The following TRPM3 variants were observed in gnomAD, a reference collection of about 807,000 sequenced individuals.
The protein encoded by TRPM3 is transient receptor potential cation channel subfamily M member 3, also known as long transient receptor potential channel 3.
A neutral mutation model predicts 181.2 loss-of-function variants in TRPM3; 77 were observed. The observed-to-expected ratio is 0.42, with a 90% CI of 0.35 to 0.51. The LOEUF is 0.51. Among genes scored for constraint, TRPM3 ranks in the 20% least tolerant of loss-of-function variants. The pLI is 0.01. For synonymous variants in TRPM3, 745 were observed against 796.4 expected, an observed-to-expected ratio of 0.94 and a Z score of 1.09; for missense variants, 1,759 against 2,196.7, an observed-to-expected ratio of 0.80 and a Z score of 3.98.
At chr9:71,151,206 C>T (rs1482416813) in intron 1 of TRPM3, among the ~76,000 whole-genome samples, 1 of 151,992 alleles carries the variant, frequency 6.6e-6, no homozygotes, top group Admixed American at 6.5e-5. Flanking sequence ...ACTAAAACGC[C>T]CTAAGATAAA....
At chr9:71,287,569 T>G (rs2085401317) in intron 1 of TRPM3, among the ~76,000 whole-genome samples, 1 of 151,672 alleles carries the variant, frequency 6.6e-6, no homozygotes, top group African/African-American at 2.4e-5. Context: ...GCCTTCAAAA[T>G]TCAACTGCTG....
intron 22 of TRPM3, among the ~76,000 whole-genome samples, chr9:70,564,817 C>T (rs1019946072): frequency 6.6e-6 from 1 of 152,204 alleles, no homozygotes; most frequent in Non-Finnish European, 1.5e-5. Context: ...ATCAATGTGG[C>T]TCCTAATATT....
chr9:71,335,260 G>A (rs1398912604), intron 1 of TRPM3, among the ~76,000 whole-genome samples: 1 of 152,104 alleles, frequency 6.6e-6, no homozygotes, highest in Non-Finnish European at 1.5e-5. Flanking sequence ...ACAGATTTCA[G>A]TAACCCTAGA....
intron 1 of TRPM3, among the ~76,000 whole-genome samples, chr9:71,212,069 T>G (rs77996101): frequency 0.13 from 20,519 of 152,198 alleles, 1,776 homozygotes; most frequent in Non-Finnish European, 0.19. Context: ...ATCCTCTGCC[T>G]CCATGCTTCA....
At chr9:70,790,270 A>C (rs954803206) in intron 6 of TRPM3, among the ~76,000 whole-genome samples, 2 of 152,188 alleles carry the variant, frequency 1.3e-5, no homozygotes, top group Non-Finnish European at 2.9e-5. Flanking sequence ...CTCTACCTAC[A>C]TCTTAATGAC....
At chr9:71,138,543 CTTTT>C (rs200656276) in intron 1 of TRPM3, among the ~76,000 whole-genome samples, 1 of 150,052 alleles carries the variant, frequency 6.7e-6, no homozygotes, top group African/African-American at 2.5e-5. Flanking sequence ...TCTCCTTTTT[CTTTT>C]TTTTTCAGTT....
chr9:71,173,093 A>G (rs998491528), intron 1 of TRPM3, among the ~76,000 whole-genome samples: 1 of 152,198 alleles, frequency 6.6e-6, no homozygotes, highest in Non-Finnish European at 1.5e-5. Flanking sequence ...TCAATTGTCA[A>G]TGATGCCTTA....
intron 1 of TRPM3, among the ~76,000 whole-genome samples, chr9:71,022,359 A>G (rs982726519): frequency 1.3e-5 from 2 of 152,158 alleles, no homozygotes; most frequent in African/African-American, 4.8e-5. Context: ...TAAATACATG[A>G]ACTTCAACCT....
At chr9:70,826,172 G>C (rs975940247) in intron 6 of TRPM3, 1 of 152,236 alleles carries the variant, frequency 6.6e-6, no homozygotes, top group Non-Finnish European at 1.5e-5. Flanking sequence ...TGTACAGAAA[G>C]TCATGCTGCA....
chr9:70,974,517 C>A (rs993914053), intron 1 of TRPM3, among the ~76,000 whole-genome samples: 1 of 150,554 alleles, frequency 6.6e-6, no homozygotes, highest in South Asian at 2.1e-4. Flanking sequence ...CCAGCCTGGG[C>A]GACAGAGCGA....
At chr9:71,159,647 C>G (rs2076181668) in intron 1 of TRPM3, among the ~76,000 whole-genome samples, 1 of 152,016 alleles carries the variant, frequency 6.6e-6, no homozygotes. Flanking sequence ...AGCCCTTTTT[C>G]AGTGAAAAAT....
At chr9:70,607,617 T>C (rs959574376) in intron 19 of TRPM3, among the ~76,000 whole-genome samples, 1 of 152,156 alleles carries the variant, frequency 6.6e-6, no homozygotes, top group African/African-American at 2.4e-5. Context: ...TCTCCAATCA[T>C]AAGATTCGCC....
chr9:71,102,436 T>G (rs903225112), intron 1 of TRPM3, among the ~76,000 whole-genome samples: 17 of 152,204 alleles, frequency 1.1e-4, no homozygotes, highest in Admixed American at 2.0e-4. Flanking sequence ...GCATTGCACA[T>G]GAAGTCCTTC....
chr9:71,418,898 ATGTGTGTGTGTATATATATG>A (rs1048995277), intron 1 of TRPM3, among the ~76,000 whole-genome samples: 31 of 117,446 alleles, frequency 2.6e-4, no homozygotes, highest in East Asian at 4.6e-4. Context: ...ACACATATAT[ATGTGTGTGTGTATATATATG>A]TGTGTGTGTG....
chr9:70,644,200 G>A (rs187144395), intron 9 of TRPM3, among the ~76,000 whole-genome samples: 17 of 152,256 alleles, frequency 1.1e-4, no homozygotes, highest in Non-Finnish European at 1.8e-4. Flanking sequence ...GGAAGTACTC[G>A]GAAGTAAGCA....
intron 8 of TRPM3, among the ~76,000 whole-genome samples, chr9:70,744,398 G>T (rs536427967): frequency 6.6e-6 from 1 of 151,858 alleles, no homozygotes; most frequent in African/African-American, 2.4e-5. Flanking sequence ...CTCTTCATTT[G>T]TATAGTCTTC....
intron 1 of TRPM3, among the ~76,000 whole-genome samples, chr9:71,242,368 T>C (rs1341755810): frequency 6.6e-6 from 1 of 152,142 alleles, no homozygotes; most frequent in African/African-American, 2.4e-5. Context: ...TCTGTATAAC[T>C]ACATGGCACT....
At chr9:70,834,812 C>G (rs936161443) in intron 5 of TRPM3, among the ~76,000 whole-genome samples, 1 of 152,194 alleles carries the variant, frequency 6.6e-6, no homozygotes, top group Non-Finnish European at 1.5e-5. Flanking sequence ...GCCAGAACCA[C>G]TCAGACAAGC....
At chr9:70,991,299 G>A (rs1200316007) in intron 1 of TRPM3, among the ~76,000 whole-genome samples, 1 of 152,134 alleles carries the variant, frequency 6.6e-6, no homozygotes, top group East Asian at 1.9e-4. Flanking sequence ...ACAATCCACA[G>A]TATAATATTA....
Sources: allele counts gnomAD v4.1 joint callset (sites outside exome capture counted in the v4.1 genomes callset), GRCh38; gene constraint gnomAD v4.1.1; transcripts MANE v1.5; gene names NCBI Gene and HGNC (gene_info 2026-07-23, HGNC 2026-07-21).